Variants in CADPS observed in about 807,000 individuals in gnomAD.
CADPS encodes the protein calcium-dependent secretion activator 1.
Under a neutral mutation model 167.3 loss-of-function variants are expected in CADPS, and 57 were observed. The observed-to-expected ratio is 0.34, with a 90% CI of 0.28 to 0.42. The LOEUF (loss-of-function observed/expected upper bound fraction) is 0.42, where lower values mean the gene tolerates loss of function less well. Among genes scored for constraint, CADPS ranks in the 20% least tolerant of loss-of-function variants. The probability of loss-of-function intolerance (pLI) is 1.00; values close to 1 mark genes in which losing one functional copy is unlikely to be tolerated. For missense variants in CADPS, 1,414 were observed against 1,738.1 expected, an observed-to-expected ratio of 0.81 and a Z score of 3.32; for synonymous variants, 676 against 635.3, an observed-to-expected ratio of 1.06 and a Z score of -0.96.
chr3:62,427,286 C>G (rs1575856849), intron 28 of CADPS, among the ~76,000 whole-genome samples: 1 of 152,034 alleles, frequency 6.6e-6, no homozygotes, highest in African/African-American at 2.4e-5. Flanking sequence ...TTGGATGAAG[C>G]TTGTCAAAAG....
intron 4 of CADPS, among the ~76,000 whole-genome samples, chr3:62,658,049 G>C (rs1039560908): frequency 6.6e-6 from 1 of 152,156 alleles, no homozygotes; most frequent in East Asian, 1.9e-4. Context: ...GTTTCCAGGA[G>C]GGGGAACCAG....
intron 3 of CADPS, among the ~76,000 whole-genome samples, chr3:62,718,342 C>A (rs1456136576): frequency 6.6e-6 from 1 of 152,092 alleles, no homozygotes; most frequent in Non-Finnish European, 1.5e-5. Context: ...GTTTGAGAGA[C>A]CACTATGAAC....
intron 8 of CADPS, among the ~76,000 whole-genome samples, chr3:62,574,706 G>A (rs1239559647): frequency 6.6e-6 from 1 of 152,224 alleles, no homozygotes; most frequent in Non-Finnish European, 1.5e-5. Context: ...ACCAGTTACT[G>A]TGAAATGTTG....
At chr3:62,763,624 C>T (rs942559708) in intron 2 of CADPS, among the ~76,000 whole-genome samples, 5 of 152,122 alleles carry the variant, frequency 3.3e-5, no homozygotes, top group Admixed American at 2.0e-4. Context: ...TCAGCTTCTC[C>T]ATAGCCCAAG....
chr3:62,775,141 G>A (rs1041906849), intron 1 of CADPS, among the ~76,000 whole-genome samples: 9 of 151,738 alleles, frequency 5.9e-5, no homozygotes, highest in Non-Finnish European at 1.0e-4. Flanking sequence ...AGGTTCAAGC[G>A]ATTCTCATAC....
chr3:62,399,654 C>A lies in CADPS; in HGVS notation c.3883-69G>T. On this transcript the variant is annotated intron_variant, in intron 29 of 29. Coordinates refer to ENST00000383710, the MANE Select transcript of CADPS (RefSeq NM_003716.4). This position sits in a 1 kb window ranked among gnomAD's most constrained non-coding sequence, Gnocchi z 5.6. Reference sequence around the variant, plus strand: ...ATGATGGGGAGGGAGAAGGTAAAAGCAGGTGTGGGTGGGAGAGCACTGACC... The same window carrying A: ...ATGATGGGGAGGGAGAAGGTAAAAGAAGGTGTGGGTGGGAGAGCACTGACC... 1 of 1,380,152 alleles carries A rather than the reference C, an allele frequency of 7.2e-7. No individual in the cohort carries two copies. The highest frequency in any genetic ancestry group is 1.0e-6 in the Non-Finnish European group (1 of 979,200). The allele number at this position is 1,380,152 out of a possible 1,614,324, so 85.5% of individuals were successfully genotyped here.
intron 6 of CADPS, among the ~76,000 whole-genome samples, chr3:62,600,067 T>C (rs923861837): frequency 6.8e-6 from 1 of 146,510 alleles, no homozygotes; most frequent in Non-Finnish European, 1.5e-5. Flanking sequence ...CAGGGGATTG[T>C]AGAGAGGTGA....
At chr3:62,618,861 A>G (rs2062738558) in intron 6 of CADPS, among the ~76,000 whole-genome samples, 1 of 152,186 alleles carries the variant, frequency 6.6e-6, no homozygotes, top group Non-Finnish European at 1.5e-5. Flanking sequence ...AGGCCTAGGC[A>G]TTATGCTAGA....
chr3:62,682,614 C>T (rs533877195), intron 3 of CADPS, among the ~76,000 whole-genome samples: 4 of 152,154 alleles, frequency 2.6e-5, no homozygotes, highest in African/African-American at 9.6e-5. Flanking sequence ...ATTGCAAAAT[C>T]CTTATTTAAG....
At chr3:62,577,913 A>G (rs1448903511) in intron 8 of CADPS, among the ~76,000 whole-genome samples, 3 of 152,240 alleles carry the variant, frequency 2.0e-5, no homozygotes, top group Non-Finnish European at 4.4e-5. Flanking sequence ...GCTAATTCCA[A>G]AGAAAGCAGA....
Position 62,794,359 on chromosome 3 carries a change from T to C in CADPS, c.442-28375A>G, listed in dbSNP as rs546778818. ...GCTCCTTTAAGCACTTTTTGTATAT[T>C]CCCTAGTTACTCCTCACAGTGGTCC... On this transcript the variant is annotated intron_variant, in intron 1 of 29. Transcript: ENST00000383710. Among the ~76,000 whole-genome samples the C allele has an allele frequency of 9.2e-5, 14 of 152,308 alleles. No homozygotes were observed. The South Asian group carries it at 2.7e-3, about 29-fold the overall frequency.
At chr3:62,400,873 C>T (rs143841229) in intron 29 of CADPS, among the ~76,000 whole-genome samples, 760 of 152,200 alleles carry the variant, frequency 5.0e-3, no homozygotes, top group Non-Finnish European at 8.0e-3. Context: ...GCTGAGATTA[C>T]GGGCGTGAGC....
At chr3:62,546,776 A>G (rs1172074056) in intron 11 of CADPS, among the ~76,000 whole-genome samples, 1 of 152,164 alleles carries the variant, frequency 6.6e-6, no homozygotes, top group East Asian at 1.9e-4. Context: ...GATGTTTCAA[A>G]TTACATGGGA....
Position 62,591,371 on chromosome 3 carries a change from G to C in CADPS, c.1437+1266C>G, listed in dbSNP as rs1003991478. On this transcript the variant is annotated intron_variant, in intron 7 of 29. Coordinates refer to ENST00000383710, the MANE Select transcript of CADPS (RefSeq NM_003716.4). Reference sequence around the variant, plus strand: ...GATAGCAAATGAAGGGGACTGAGCTGTCAGGAAAGGACTCTCCAAGGAGGT... The same window carrying C: ...GATAGCAAATGAAGGGGACTGAGCTCTCAGGAAAGGACTCTCCAAGGAGGT... Among the ~76,000 whole-genome samples the C allele has an allele frequency of 2.2e-4, 34 of 152,182 alleles. 1 individual carries two copies.
At chr3:62,756,775 C>T (rs62244511) in intron 2 of CADPS, among the ~76,000 whole-genome samples, 3 of 152,168 alleles carry the variant, frequency 2.0e-5, no homozygotes, top group Admixed American at 6.5e-5. Context: ...AGGAACAATA[C>T]GTGTGAAGAC....
At position 62,543,403 on chromosome 3, in the gene CADPS, T is replaced by C. The variant is rs940255303; in HGVS notation, c.1966+6500A>G. On this transcript the variant is annotated intron_variant, in intron 11 of 29. Coordinates refer to ENST00000383710, the MANE Select transcript of CADPS (RefSeq NM_003716.4). ...TTGTGCAAATACATGTAAACTTGTT[T>C]AGAACAGAATTCATTCAGTTAACTA... Among the ~76,000 whole-genome samples, 5 of 152,170 alleles carry C rather than the reference T, an allele frequency of 3.3e-5. No individual in the cohort carries two copies. In the South Asian group the frequency reaches 6.2e-4, roughly 19 times the overall value.
intron 28 of CADPS, among the ~76,000 whole-genome samples, chr3:62,416,727 G>A (rs560052280): frequency 6.6e-6 from 1 of 152,188 alleles, no homozygotes; most frequent in African/African-American, 2.4e-5. Context: ...TCAAAGATTG[G>A]TAGGAGGAAA....
chr3:62,697,568 C>G (rs866627186), intron 3 of CADPS, among the ~76,000 whole-genome samples: 13 of 151,998 alleles, frequency 8.6e-5, no homozygotes, highest in Non-Finnish European at 1.5e-4. Flanking sequence ...TATAAACATA[C>G]GTGTGCAAGC....
chr3:62,398,497 C>G lies in CADPS; in HGVS notation c.*909G>C. 1 of 152,548 alleles carries G rather than the reference C, an allele frequency of 6.6e-6. No homozygotes were observed. The highest frequency in any genetic ancestry group is 1.5e-5 in the Non-Finnish European group (1 of 68,044). 9.4% of individuals were successfully genotyped at this position (152,548 alleles called of 1,614,324 possible). On this transcript the variant is annotated 3_prime_UTR_variant, in exon 30 of 30. Coordinates refer to ENST00000383710, the MANE Select transcript of CADPS (RefSeq NM_003716.4). The stretch of plus-strand genomic sequence containing the variant: ...AGCAAACCCCAGGGTTGTGCAGTTA[C>G]AGATCAAAATGCAATGTACATGACA...
Sources: allele counts gnomAD v4.1 joint callset (sites outside exome capture counted in the v4.1 genomes callset), GRCh38; gene constraint gnomAD v4.1.1; non-coding constraint Gnocchi (gnomAD v3.1); transcripts MANE v1.5; gene names NCBI Gene and HGNC (gene_info 2026-07-23, HGNC 2026-07-21).